The following RALYL variants were observed in gnomAD, a reference collection of about 807,000 sequenced individuals.
RALYL encodes RNA-binding Raly-like protein.
RALYL carries 29 observed loss-of-function variants against 35.1 expected under a neutral mutation model. The observed-to-expected ratio is 0.83, with a 90% CI of 0.61 to 1.13. The LOEUF (loss-of-function observed/expected upper bound fraction) is 1.13. Among genes scored for constraint, RALYL ranks in the 50% most tolerant of loss-of-function variants. The probability of loss-of-function intolerance (pLI) is 0.00; values close to 1 mark genes in which losing one functional copy is unlikely to be tolerated. For missense variants in RALYL, 359 were observed against 360.4 expected, an observed-to-expected ratio of 1.00 and a Z score of 0.03; for synonymous variants, 120 against 127.6, an observed-to-expected ratio of 0.94 and a Z score of 0.40.
At chr8:84,620,178 T>A (rs1272489686) in intron 2 of RALYL, among the ~76,000 whole-genome samples, 141 of 152,242 alleles carry the variant, frequency 9.3e-4, no homozygotes, top group East Asian at 7.3e-3. Context: ...GGATAATATC[T>A]TGCAGAGTGT....
At chr8:84,347,357 T>C (rs1726700188) in intron 1 of RALYL, among the ~76,000 whole-genome samples, 1 of 152,118 alleles carries the variant, frequency 6.6e-6, no homozygotes, top group African/African-American at 2.4e-5. Context: ...TTTTATACTC[T>C]GCTATCCTCA....
chr8:84,789,876 T>C (rs963219752), intron 3 of RALYL, among the ~76,000 whole-genome samples: 1 of 151,992 alleles, frequency 6.6e-6, no homozygotes, highest in Admixed American at 6.6e-5. Context: ...AAAAGAAATA[T>C]GAACTAAATT....
chr8:84,295,970 G>C (rs1375828415), intron 1 of RALYL, among the ~76,000 whole-genome samples: 1 of 152,088 alleles, frequency 6.6e-6, no homozygotes, highest in Non-Finnish European at 1.5e-5. Context: ...TACTGAGTTG[G>C]GGAAGCAGTG....
chr8:84,819,257 A>G (rs1827991435), intron 4 of RALYL, among the ~76,000 whole-genome samples: 3 of 152,058 alleles, frequency 2.0e-5, no homozygotes, highest in South Asian at 2.1e-4. Flanking sequence ...AAGTTTCCAC[A>G]GCGCTATTTT....
chr8:84,471,089 A>T (rs967786297), intron 1 of RALYL, among the ~76,000 whole-genome samples: 13 of 152,206 alleles, frequency 8.5e-5, no homozygotes, highest in African/African-American at 3.1e-4. Flanking sequence ...TGGAATCAAT[A>T]TAAGAGTTTA....
chr8:84,914,563 T>G (rs2135728520), intron 8 of RALYL, among the ~76,000 whole-genome samples: 1 of 151,906 alleles, frequency 6.6e-6, no homozygotes, highest in South Asian at 2.1e-4. Context: ...ATCCAAGCAA[T>G]GTGACTAAAT....
intron 2 of RALYL, among the ~76,000 whole-genome samples, chr8:84,556,187 G>T (rs182308880): frequency 6.6e-6 from 1 of 152,148 alleles, no homozygotes; most frequent in African/African-American, 2.4e-5. Context: ...TGCATTTTGC[G>T]TGTACTTTTC....
At chr8:84,572,832 A>G (rs1023530782) in intron 2 of RALYL, among the ~76,000 whole-genome samples, 1 of 151,678 alleles carries the variant, frequency 6.6e-6, no homozygotes, top group African/African-American at 2.4e-5. Context: ...TACTATCTTA[A>G]CTGCCTTCAT....
At chr8:84,688,110 T>C (rs1837214752) in intron 2 of RALYL, among the ~76,000 whole-genome samples, 1 of 151,414 alleles carries the variant, frequency 6.6e-6, no homozygotes, top group Non-Finnish European at 1.5e-5. Context: ...TACTTCTCAC[T>C]CCTCATAGTT....
intron 1 of RALYL, among the ~76,000 whole-genome samples, chr8:84,321,184 T>C (rs1844736519): frequency 6.6e-6 from 1 of 152,110 alleles, no homozygotes; most frequent in African/African-American, 2.4e-5. Context: ...TTTACCACCA[T>C]TATAAAACAA....
intron 1 of RALYL, among the ~76,000 whole-genome samples, chr8:84,384,483 T>C (rs1415567285): frequency 1.3e-5 from 2 of 151,840 alleles, no homozygotes; most frequent in Admixed American, 6.6e-5. Flanking sequence ...ATATTATTTC[T>C]ATTATAGATA....
At chr8:84,292,409 A>C (rs1269108694) in intron 1 of RALYL, among the ~76,000 whole-genome samples, 2 of 152,132 alleles carry the variant, frequency 1.3e-5, no homozygotes, top group Non-Finnish European at 2.9e-5. Flanking sequence ...TCACTTATAA[A>C]AGGGAGGGGA....
intron 1 of RALYL, among the ~76,000 whole-genome samples, chr8:84,301,613 ATTT>A (rs1464954753): frequency 6.6e-6 from 1 of 152,090 alleles, no homozygotes; most frequent in African/African-American, 2.4e-5. Context: ...TGACCTTTAA[ATTT>A]TTGTCAAAGT....
At chr8:84,434,983 A>G (rs2047544805) in intron 1 of RALYL, among the ~76,000 whole-genome samples, 1 of 152,200 alleles carries the variant, frequency 6.6e-6, no homozygotes, top group Non-Finnish European at 1.5e-5. Context: ...CTGATATTTG[A>G]ACACACTAAC....
intron 3 of RALYL, among the ~76,000 whole-genome samples, chr8:84,793,246 A>G (rs1821205316): frequency 6.6e-6 from 1 of 152,184 alleles, no homozygotes; most frequent in Non-Finnish European, 1.5e-5. Flanking sequence ...AATTCCAAGG[A>G]CTGAGCTCTA....
At chr8:84,184,813 G>A in intron 1 of RALYL, 1 of 645,610 alleles carries the variant, frequency 1.5e-6, no homozygotes, top group African/African-American at 1.8e-5. Context: ...CGTGTACGTG[G>A]CGCTGGCCGT....
At chr8:84,725,510 T>C (rs984882007) in intron 2 of RALYL, among the ~76,000 whole-genome samples, 1 of 151,774 alleles carries the variant, frequency 6.6e-6, no homozygotes, top group South Asian at 2.1e-4. Flanking sequence ...CAATGTTGTG[T>C]CCTTTAGTAG....
intron 1 of RALYL, among the ~76,000 whole-genome samples, chr8:84,286,276 A>G (rs1189715446): frequency 6.6e-6 from 1 of 152,158 alleles, no homozygotes; most frequent in Admixed American, 6.5e-5. Flanking sequence ...TGGTACAGCT[A>G]TGTCTTTTTC....
At chr8:84,877,285 G>C (rs1036116242) in intron 7 of RALYL, among the ~76,000 whole-genome samples, 2 of 151,946 alleles carry the variant, frequency 1.3e-5, no homozygotes, top group African/African-American at 4.8e-5. Context: ...TTAGGAGTTC[G>C]AGACCAGCCT....
Sources: allele counts gnomAD v4.1 joint callset (sites outside exome capture counted in the v4.1 genomes callset), GRCh38; gene constraint gnomAD v4.1.1; transcripts MANE v1.5; gene names NCBI Gene and HGNC (gene_info 2026-07-23, HGNC 2026-07-21).